The following WWOX variants were observed in gnomAD, a reference collection of about 807,000 sequenced individuals.
The protein encoded by WWOX is WW domain containing oxidoreductase.
In WWOX, 69 loss-of-function variants were observed where a neutral mutation model predicts 46.2. The ratio of observed to expected loss-of-function variants is 1.49; its 90% CI spans 1.23 to 1.82. WWOX has a LOEUF of 1.82. WWOX is among the 40% of genes most tolerant of loss of function. The probability of loss-of-function intolerance (pLI) is 0.00; values close to 1 mark genes in which losing one functional copy is unlikely to be tolerated. For missense variants in WWOX, 919 were observed against 542.6 expected (o/e 1.69, Z -6.89); for synonymous variants, 359 against 202.6 (o/e 1.77, Z -6.56).
chr16:79,062,582 T>G (rs539746159), intron 8 of WWOX, among the ~76,000 whole-genome samples: 26 of 152,122 alleles, frequency 1.7e-4, no homozygotes, highest in African/African-American at 6.0e-4. Context: ...ACAGCAGGGG[T>G]GGAGAGTAAT....
intron 8 of WWOX, among the ~76,000 whole-genome samples, chr16:78,973,081 T>C (rs1016259003): frequency 2.7e-4 from 41 of 152,244 alleles, no homozygotes; most frequent in African/African-American, 9.9e-4. Context: ...GTCAGCATTG[T>C]TAATGACATC....
At chr16:78,145,150 G>A (rs539991316) in intron 4 of WWOX, among the ~76,000 whole-genome samples, 8 of 152,272 alleles carry the variant, frequency 5.3e-5, no homozygotes, top group African/African-American at 1.9e-4. Flanking sequence ...GGACTGGGAG[G>A]AGATACCTGT....
At chr16:79,039,526 G>A (rs534207056) in intron 8 of WWOX, among the ~76,000 whole-genome samples, 2 of 152,296 alleles carry the variant, frequency 1.3e-5, no homozygotes, top group Non-Finnish European at 2.9e-5. Context: ...GTCCCAAGCA[G>A]AATCCTTTTG....
intron 8 of WWOX, among the ~76,000 whole-genome samples, chr16:78,565,886 A>G (rs1033915790): frequency 1.4e-5 from 2 of 147,654 alleles, no homozygotes; most frequent in Non-Finnish European, 3.0e-5. Context: ...TAAGACCATC[A>G]CATTTTTCAT....
At chr16:79,074,376 C>G (rs991617889) in intron 8 of WWOX, among the ~76,000 whole-genome samples, 3 of 142,156 alleles carry the variant, frequency 2.1e-5, no homozygotes, top group Middle Eastern at 8.2e-3. Flanking sequence ...TCACTCAAAG[C>G]CGAATCTCAT....
intron 8 of WWOX, among the ~76,000 whole-genome samples, chr16:78,568,065 G>A (rs1014136268): frequency 7.9e-5 from 12 of 152,184 alleles, no homozygotes; most frequent in Non-Finnish European, 1.8e-4. Flanking sequence ...CAGTGCCTGC[G>A]AGAGACTCTT....
intron 5 of WWOX, among the ~76,000 whole-genome samples, chr16:78,178,909 G>A (rs2035438355): frequency 6.6e-6 from 1 of 152,010 alleles, no homozygotes; most frequent in Non-Finnish European, 1.5e-5. Flanking sequence ...TTCTCTTCGG[G>A]ATGGTTTACC....
At chr16:78,604,369 A>C (rs948709755) in intron 8 of WWOX, among the ~76,000 whole-genome samples, 2 of 152,040 alleles carry the variant, frequency 1.3e-5, no homozygotes, top group African/African-American at 4.8e-5. Flanking sequence ...GTTACTGTAC[A>C]TGGGCCCTCG....
intron 8 of WWOX, among the ~76,000 whole-genome samples, chr16:78,903,685 A>G (rs578001756): frequency 6.6e-6 from 1 of 152,278 alleles, no homozygotes; most frequent in African/African-American, 2.4e-5. Context: ...CCTCACTTTG[A>G]GAAGCACCTG....
rs111414156 is a variant in WWOX, at chr16:78,805,571, A to C, written c.1056+372819A>C. 8.7e-3 allele frequency among the ~76,000 whole-genome samples: 1,326 copies of C among 152,150 alleles called. 24 individuals carry two copies. The highest frequency in any genetic ancestry group is 0.03 in the African/African-American group (1,264 of 41,496). ...GTGCTGGGATTACAGGCGTGAGCTG[A>C]CGCTCCCGGCCTACAGCATAGATTT... On this transcript the variant is annotated intron_variant, in intron 8 of 8. Transcript: ENST00000566780.
intron 8 of WWOX, among the ~76,000 whole-genome samples, chr16:78,803,629 T>A (rs1166671305): frequency 6.6e-6 from 1 of 152,030 alleles, no homozygotes; most frequent in Admixed American, 6.6e-5. Flanking sequence ...TTAACTTTAA[T>A]TTTTATTTTT....
intron 8 of WWOX, among the ~76,000 whole-genome samples, chr16:78,564,669 G>C (rs578057703): frequency 6.6e-6 from 1 of 151,860 alleles, no homozygotes; most frequent in African/African-American, 2.4e-5. Flanking sequence ...CTGGCCACTC[G>C]GGAGCTCAAA....
At position 78,771,698 on chromosome 16, in the gene WWOX, G is replaced by A. The variant is rs2142521360; in HGVS notation, c.1056+338946G>A. Among the ~76,000 whole-genome samples, 3 of 152,204 alleles carry A rather than the reference G, an allele frequency of 2.0e-5. 1 individual carries two copies. The South Asian group carries it at 6.2e-4, about 32-fold the overall frequency. ...GAAGCAGGAGAATTGCTTGAGCCTA[G>A]GAGGTGGAGGTTGCAGTGAGCCAAG... On this transcript the variant is annotated intron_variant, in intron 8 of 8. Transcript: ENST00000566780.
At chr16:78,702,389 C>T (rs2048243620) in intron 8 of WWOX, among the ~76,000 whole-genome samples, 1 of 151,836 alleles carries the variant, frequency 6.6e-6, no homozygotes, top group Non-Finnish European at 1.5e-5. Flanking sequence ...GTAGCTCACG[C>T]CTGTAATTCC....
intron 8 of WWOX, among the ~76,000 whole-genome samples, chr16:78,619,505 C>T (rs550584141): frequency 6.6e-6 from 1 of 151,926 alleles, no homozygotes; most frequent in Non-Finnish European, 1.5e-5. Flanking sequence ...CCCTGCCAAC[C>T]TCCTCCTATC....
At chr16:78,316,909 T>C (rs570604090) in intron 5 of WWOX, among the ~76,000 whole-genome samples, 3 of 152,360 alleles carry the variant, frequency 2.0e-5, no homozygotes, top group African/African-American at 7.2e-5. Context: ...TTTATCTTTG[T>C]GAATTCATTA....
chr16:79,079,617 C>T (rs1263270548), intron 8 of WWOX, among the ~76,000 whole-genome samples: 5 of 152,212 alleles, frequency 3.3e-5, no homozygotes, highest in Admixed American at 6.5e-5. Flanking sequence ...CGGCTTTGAC[C>T]TGTCATTCAC....
intron 4 of WWOX, among the ~76,000 whole-genome samples, chr16:78,150,609 C>G (rs947411333): frequency 3.3e-5 from 5 of 151,538 alleles, no homozygotes; most frequent in Non-Finnish European, 7.4e-5. Context: ...TCTTGAACTC[C>G]TCAGCTCAAG....
intron 8 of WWOX, among the ~76,000 whole-genome samples, chr16:78,870,051 A>G (rs2044093217): frequency 6.6e-6 from 1 of 152,224 alleles, no homozygotes; most frequent in Non-Finnish European, 1.5e-5. Flanking sequence ...TCCATCAACT[A>G]CAAATCATTG....
Sources: allele counts gnomAD v4.1 joint callset (sites outside exome capture counted in the v4.1 genomes callset), GRCh38; gene constraint gnomAD v4.1.1; transcripts MANE v1.5; gene names NCBI Gene and HGNC (gene_info 2026-07-23, HGNC 2026-07-21).